The following EPHA3 variants were observed in gnomAD, a reference collection of about 807,000 sequenced individuals.
EPHA3 encodes the protein ephrin type-A receptor 3.
EPHA3 carries 42 observed loss-of-function variants against 107.1 expected under a neutral mutation model. The ratio of observed to expected loss-of-function variants is 0.39; its 90% confidence interval spans 0.31 to 0.51. The LOEUF (loss-of-function observed/expected upper bound fraction) is 0.51, where lower values mean the gene tolerates loss of function less well. Ranked by LOEUF, EPHA3 falls within the 20% of genes least tolerant of loss-of-function variation. EPHA3 has a pLI of 0.78. For synonymous variants in EPHA3, 461 were observed against 424.8 expected (o/e 1.09, Z -1.05); for missense variants, 1,183 against 1,211.2 (o/e 0.98, Z 0.35).
At chr3:89,134,490 A>G (rs1704272554) in intron 2 of EPHA3, among the ~76,000 whole-genome samples, 1 of 152,052 alleles carries the variant, frequency 6.6e-6, no homozygotes, top group African/African-American at 2.4e-5. Context: ...TCCTTGCGAT[A>G]GTTTGCTGAG....
chr3:89,373,910 TTAACTC>T (rs1708352761), intron 5 of EPHA3, among the ~76,000 whole-genome samples: 1 of 151,948 alleles, frequency 6.6e-6, no homozygotes, highest in East Asian at 1.9e-4. Flanking sequence ...GTACTAGAAT[TTAACTC>T]TAAGGGTCAA....
At chr3:89,348,005 G>C (rs1398953132) in intron 5 of EPHA3, among the ~76,000 whole-genome samples, 2 of 150,690 alleles carry the variant, frequency 1.3e-5, no homozygotes, top group Non-Finnish European at 3.0e-5. Context: ...TGTGCTGCTG[G>C]ATTCGATTTG....
chr3:89,237,199 G>A (rs1009430574), intron 3 of EPHA3, among the ~76,000 whole-genome samples: 3 of 152,250 alleles, frequency 2.0e-5, no homozygotes, highest in South Asian at 4.1e-4. Context: ...GCAAAACCCT[G>A]TCTCTACTAA....
chr3:89,126,867 AT>A (rs1398838430), intron 1 of EPHA3, among the ~76,000 whole-genome samples: 1 of 151,748 alleles, frequency 6.6e-6, no homozygotes. Context: ...TTTTGAAGTT[AT>A]TTTGATATGC....
intron 3 of EPHA3, among the ~76,000 whole-genome samples, chr3:89,312,820 G>A (rs1334732293): frequency 6.6e-6 from 1 of 151,906 alleles, no homozygotes; most frequent in African/African-American, 2.4e-5. Context: ...CCACTTATAA[G>A]TGAGAATATG....
intron 3 of EPHA3, among the ~76,000 whole-genome samples, chr3:89,335,868 A>T (rs1219877097): frequency 6.6e-6 from 1 of 152,206 alleles, no homozygotes; most frequent in East Asian, 1.9e-4. Flanking sequence ...TGACAAGAAC[A>T]TTTACTACTG....
At chr3:89,240,756 G>T (rs1296978060) in intron 3 of EPHA3, among the ~76,000 whole-genome samples, 4 of 151,892 alleles carry the variant, frequency 2.6e-5, no homozygotes, top group Non-Finnish European at 5.9e-5. Flanking sequence ...TAAAGCAGAA[G>T]AAATTATGGA....
intron 1 of EPHA3, among the ~76,000 whole-genome samples, chr3:89,114,708 G>A (rs1174319468): frequency 2.0e-5 from 3 of 151,940 alleles, no homozygotes; most frequent in Non-Finnish European, 4.4e-5. Context: ...GGAGAGCGAA[G>A]GTGCAAAGTT....
At chr3:89,180,945 A>G (rs1705430518) in intron 2 of EPHA3, among the ~76,000 whole-genome samples, 1 of 151,972 alleles carries the variant, frequency 6.6e-6, no homozygotes, top group South Asian at 2.1e-4. Flanking sequence ...AGCCTTTTGG[A>G]CAAGATGTTG....
chr3:89,353,787 A>G (rs748498728), intron 5 of EPHA3, among the ~76,000 whole-genome samples: 1 of 151,478 alleles, frequency 6.6e-6, no homozygotes, highest in East Asian at 1.9e-4. Flanking sequence ...CAAAACCCTT[A>G]TATGAGCTTA....
At chr3:89,377,977 G>C (rs1023575431) in intron 5 of EPHA3, among the ~76,000 whole-genome samples, 1 of 151,882 alleles carries the variant, frequency 6.6e-6, no homozygotes, top group Non-Finnish European at 1.5e-5. Flanking sequence ...TTTACTCCAG[G>C]TTATTCTTTT....
chr3:89,125,783 T>C (rs866612734), intron 1 of EPHA3, among the ~76,000 whole-genome samples: 1 of 151,864 alleles, frequency 6.6e-6, no homozygotes, highest in Middle Eastern at 3.4e-3. Context: ...TCAAGAGCCT[T>C]ACTTTTACCC....
intron 3 of EPHA3, among the ~76,000 whole-genome samples, chr3:89,285,839 A>G (rs1428574608): frequency 6.6e-6 from 1 of 152,152 alleles, no homozygotes; most frequent in Non-Finnish European, 1.5e-5. Context: ...CTACCTCCCA[A>G]CTAAAGTTAG....
At chr3:89,475,587 G>C (rs1200455390) in intron 16 of EPHA3, among the ~76,000 whole-genome samples, 1 of 152,118 alleles carries the variant, frequency 6.6e-6, no homozygotes, top group Non-Finnish European at 1.5e-5. Flanking sequence ...AACCTAAGAT[G>C]GATTTAGGAA....
intron 2 of EPHA3, among the ~76,000 whole-genome samples, chr3:89,161,544 A>C (rs1490858196): frequency 6.6e-6 from 1 of 152,178 alleles, no homozygotes; most frequent in East Asian, 1.9e-4. Context: ...GCATAGTATT[A>C]CAGAGTATGG....
chr3:89,472,635 T>C lies in EPHA3; in HGVS notation c.2846+16T>C, dbSNP rs1218254228. ...TTTCCACAGAGTAAGAAAAAAAAATTCATTAAGAAGAATGAAGGATTCTTT... is the reference window on the plus strand; with the variant it reads ...TTTCCACAGAGTAAGAAAAAAAAATCCATTAAGAAGAATGAAGGATTCTTT... On this transcript the variant is annotated intron_variant, in intron 16 of 16. Coordinates refer to ENST00000336596, the MANE Select transcript of EPHA3 (RefSeq NM_005233.6). 1.9e-6 allele frequency: 3 copies of C among 1,601,154 alleles called. No homozygotes were observed. Among genetic ancestry groups the C allele is most frequent in the Non-Finnish European group, 1.7e-6 (2 of 1,174,392 alleles).
intron 2 of EPHA3, among the ~76,000 whole-genome samples, chr3:89,192,826 A>C (rs1358055487): frequency 6.6e-6 from 1 of 152,100 alleles, no homozygotes; most frequent in Non-Finnish European, 1.5e-5. Context: ...ATAAGGAGCC[A>C]TCCTGCTCCT....
chr3:89,407,731 A>G (rs1559684814), intron 8 of EPHA3, among the ~76,000 whole-genome samples: 1 of 152,102 alleles, frequency 6.6e-6, no homozygotes, highest in South Asian at 2.1e-4. Context: ...GCACAGCACT[A>G]ATCATTACCC....
chr3:89,284,429 T>C (rs1706028058), intron 3 of EPHA3, among the ~76,000 whole-genome samples: 1 of 145,732 alleles, frequency 6.9e-6, no homozygotes, highest in African/African-American at 2.5e-5. Flanking sequence ...GAAATTTTTA[T>C]CTACCATCAC....
Sources: allele counts gnomAD v4.1 joint callset (sites outside exome capture counted in the v4.1 genomes callset), GRCh38; gene constraint gnomAD v4.1.1; transcripts MANE v1.5; gene names NCBI Gene and HGNC (gene_info 2026-07-23, HGNC 2026-07-21).